OLFM2: variants seen among roughly 807,000 people sequenced by gnomAD.
OLFM2 encodes olfactomedin 2.
Under a neutral mutation model 43.9 loss-of-function variants are expected in OLFM2, and 20 were observed. The observed-to-expected ratio is 0.46, with a 90% CI of 0.32 to 0.66. The LOEUF (loss-of-function observed/expected upper bound fraction) is 0.66. Ranked by LOEUF, OLFM2 falls within the 30% of genes least tolerant of loss-of-function variation. The pLI is 0.04. For synonymous variants in OLFM2, 268 were observed against 278.6 expected (o/e 0.96, Z 0.38); for missense variants, 416 against 643.6 (o/e 0.65, Z 3.83).
At chr19:9,904,882 G>A (rs913569877) in intron 1 of OLFM2, among the ~76,000 whole-genome samples, 13 of 151,998 alleles carry the variant, frequency 8.6e-5, no homozygotes, top group Non-Finnish European at 1.8e-4. Context: ...AGCCAGGTGT[G>A]GTGGTGCACA....
At chr19:9,906,859 C>G (rs1386010073) in intron 1 of OLFM2, among the ~76,000 whole-genome samples, 4 of 152,180 alleles carry the variant, frequency 2.6e-5, no homozygotes, top group Non-Finnish European at 5.9e-5. Context: ...AGCTACCCTC[C>G]CCTTCCCTCT....
Position 9,921,564 on chromosome 19 carries a change from C to G in OLFM2, c.63+14740G>C, listed in dbSNP as rs1003158318. Among the ~76,000 whole-genome samples, 109 of 151,720 alleles carry G rather than the reference C, an allele frequency of 7.2e-4. 1 individual carries two copies. The highest frequency in any genetic ancestry group is 2.6e-3 in the African/African-American group (106 of 41,266). On this transcript the variant is annotated intron_variant, in intron 1 of 5. Coordinates refer to ENST00000264833, the MANE Select transcript of OLFM2 (RefSeq NM_058164.4). ...AGTGCAGTGGCATGATCTTGGCTTG[C>G]TGCAAGCTCTGCCTCCCGGGCTCAT...
chr19:9,905,736 C>G (rs1204270832), intron 1 of OLFM2, among the ~76,000 whole-genome samples: 2 of 152,118 alleles, frequency 1.3e-5, no homozygotes, highest in Non-Finnish European at 2.9e-5. Flanking sequence ...TGTCCTGTCT[C>G]TGCTGTTCTT....
At chr19:9,921,775 A>G (rs907358733) in intron 1 of OLFM2, among the ~76,000 whole-genome samples, 3 of 151,964 alleles carry the variant, frequency 2.0e-5, no homozygotes, top group African/African-American at 7.2e-5. Flanking sequence ...ATGAGCCACC[A>G]CACCCAGCCT....
intron 1 of OLFM2, among the ~76,000 whole-genome samples, chr19:9,932,107 G>C (rs2086486267): frequency 6.6e-6 from 1 of 152,138 alleles, no homozygotes; most frequent in African/African-American, 2.4e-5. Context: ...TGCCGCTCTA[G>C]TGGGGAAACA....
At chr19:9,928,608 C>T (rs1026008631) in intron 1 of OLFM2, among the ~76,000 whole-genome samples, 1 of 152,016 alleles carries the variant, frequency 6.6e-6, no homozygotes, top group Admixed American at 6.6e-5. Context: ...AGTTCAAGAC[C>T]AGCCTGGGCA....
intron 1 of OLFM2, among the ~76,000 whole-genome samples, chr19:9,934,220 G>GT (rs2086502089): frequency 6.6e-6 from 1 of 152,174 alleles, no homozygotes; most frequent in Admixed American, 6.6e-5. Context: ...CCAAGGGGGT[G>GT]TATGGGGCGC....
intron 1 of OLFM2, among the ~76,000 whole-genome samples, chr19:9,933,045 G>A (rs1244701413): frequency 1.3e-5 from 2 of 151,996 alleles, no homozygotes; most frequent in African/African-American, 4.8e-5. Flanking sequence ...CGTCCACACT[G>A]CTTCTGAAAC....
intron 1 of OLFM2, among the ~76,000 whole-genome samples, chr19:9,909,961 T>A (rs2046815251): frequency 1.0e-5 from 1 of 98,826 alleles, no homozygotes; most frequent in African/African-American, 4.1e-5. Context: ...TGGACAAATA[T>A]TTATTGTAGG....
intron 1 of OLFM2, among the ~76,000 whole-genome samples, chr19:9,904,013 G>A (rs1230838290): frequency 1.3e-5 from 2 of 152,114 alleles, no homozygotes; most frequent in African/African-American, 2.4e-5. Flanking sequence ...TACACTGAGG[G>A]CTGCATCACC....
chr19:9,923,855 T>A (rs547132737), intron 1 of OLFM2, among the ~76,000 whole-genome samples: 1 of 151,816 alleles, frequency 6.6e-6, no homozygotes, highest in South Asian at 2.1e-4. Flanking sequence ...ATCCCAGCAC[T>A]TTGGGAGGCT....
chr19:9,895,289 A>T (rs2046673630), intron 1 of OLFM2, among the ~76,000 whole-genome samples: 2 of 151,846 alleles, frequency 1.3e-5, no homozygotes, highest in Admixed American at 1.3e-4. Flanking sequence ...GGAGTTTGAG[A>T]CCAGCCTGGG....
chr19:9,909,709 C>G (rs75764500), intron 1 of OLFM2, among the ~76,000 whole-genome samples: 2 of 152,154 alleles, frequency 1.3e-5, no homozygotes, highest in Non-Finnish European at 2.9e-5. Flanking sequence ...CTAAACCTTC[C>G]GACATCTCCT....
rs534310659 is a variant in OLFM2 at position 9,865,484 on chromosome 19, TC to T, written c.64-4691del. On this transcript the variant is annotated intron_variant, in intron 1 of 5. Coordinates refer to ENST00000264833, the MANE Select transcript of OLFM2 (RefSeq NM_058164.4). ...GAGTCACTGTTACCTCTCTGTTTTT[TC>T]TTTTTTTTTTTTTTTTTTTTTTTTG... 6.8e-4 allele frequency among the ~76,000 whole-genome samples: 93 copies of T among 137,024 alleles called. 1 individual carries two copies. The highest frequency in any genetic ancestry group is 2.3e-3 in the African/African-American group (82 of 35,206). The allele number at this position is 137,024 out of a possible 152,430, so 89.9% of individuals were successfully genotyped here.
chr19:9,934,641 G>T (rs890095541), intron 1 of OLFM2, among the ~76,000 whole-genome samples: 2 of 151,782 alleles, frequency 1.3e-5, no homozygotes, highest in Admixed American at 1.3e-4. Context: ...TTGGTCTCTC[G>T]TCTCCCAGGT....
chr19:9,925,189 G>A (rs1184991496), intron 1 of OLFM2, among the ~76,000 whole-genome samples: 2 of 152,044 alleles, frequency 1.3e-5, no homozygotes, highest in African/African-American at 2.4e-5. Flanking sequence ...TCCGGAAGGC[G>A]GAGGCTGCAG....
intron 1 of OLFM2, among the ~76,000 whole-genome samples, chr19:9,935,707 G>T (rs1290526990): frequency 1.3e-5 from 2 of 152,050 alleles, no homozygotes; most frequent in Non-Finnish European, 2.9e-5. Context: ...TCTGTCTCAC[G>T]TACTGATCAC....
chr19:9,889,410 A>C (rs1402027324), intron 1 of OLFM2, among the ~76,000 whole-genome samples: 1 of 151,888 alleles, frequency 6.6e-6, no homozygotes, highest in African/African-American at 2.4e-5. Context: ...CACCATGCCT[A>C]GTAAATGTTT....
At chr19:9,922,226 T>C (rs10422542) in intron 1 of OLFM2, among the ~76,000 whole-genome samples, 24,363 of 152,150 alleles carry the variant, frequency 0.16, 5,672 homozygotes, top group African/African-American at 0.52. Context: ...CATATCCTGA[T>C]TTTATAGTTA....
Sources: gnomAD v4.1 joint callset for allele counts (sites outside exome capture counted in the v4.1 genomes callset) on GRCh38, gnomAD v4.1.1 for gene constraint, MANE v1.5 for transcripts, NCBI Gene and HGNC (gene_info 2026-07-23, HGNC 2026-07-21) for gene names.